SH3PXD2A: variants seen among roughly 807,000 people sequenced by gnomAD.
SH3PXD2A encodes the protein SH3 and PX domains 2A.
In SH3PXD2A, 32 loss-of-function variants were observed where a neutral mutation model predicts 115.2. The ratio of observed to expected loss-of-function variants is 0.28; its 90% confidence interval spans 0.21 to 0.37. The LOEUF (loss-of-function observed/expected upper bound fraction) is 0.37, where lower values mean the gene tolerates loss of function less well. Ranked by LOEUF, SH3PXD2A falls within the 10% of genes least tolerant of loss-of-function variation. The pLI is 1.00. For missense variants in SH3PXD2A, 1,328 were observed against 1,498.7 expected (o/e 0.89, Z 1.88); for synonymous variants, 610 against 629.1 (o/e 0.97, Z 0.45).
intron 1 of SH3PXD2A, among the ~76,000 whole-genome samples, chr10:103,802,550 C>T (rs1564892828): frequency 6.6e-6 from 1 of 152,194 alleles, no homozygotes; most frequent in African/African-American, 2.4e-5. Context: ...ATCTGGCCTG[C>T]TCTTCCCACT....
chr10:103,662,448 G>C (rs1259600356), intron 7 of SH3PXD2A, among the ~76,000 whole-genome samples: 1 of 134,848 alleles, frequency 7.4e-6, no homozygotes, highest in East Asian at 2.2e-4. Flanking sequence ...GCCGGACTGC[G>C]GACTGCAGTG....
At position 103,613,114 on chromosome 10, in the gene SH3PXD2A, T is replaced by G. The variant is rs2036453678; in HGVS notation, c.997A>C (p.Asn333His). Residue 333 changes from asparagine (N) to histidine (H), a missense_variant, in exon 12 of 15, where the codon AAC (asparagine) becomes CAC (histidine). Physicochemically the swap from Asn to His is moderately conservative, Grantham distance 68. Coordinates refer to ENST00000369774, the MANE Select transcript of SH3PXD2A (RefSeq NM_001394015.1). ...ATGATCTCCACTGGGCCGGCCAGGT[T>G]CTTCTTCCGGGTTGGCAGGTCATCC... The part of the protein sequence containing the change: ...AKDDLPTRKK[N>H]LAGPVEIIGN... 2 of 1,613,928 alleles carry G rather than the reference T, an allele frequency of 1.2e-6. No homozygotes were observed.
Position 103,841,637 on chromosome 10 carries a change from C to G in SH3PXD2A, c.72+13558G>C, listed in dbSNP as rs553029931. ...CAACGTGACCCTTTTCCCTATCTGA[C>G]CCCATGACCTGCTGCTCTCCCCTCT... is the stretch of plus-strand genomic sequence containing the variant. On this transcript the variant is annotated intron_variant, in intron 1 of 14. Transcript: ENST00000369774. Among the ~76,000 whole-genome samples the G allele has an allele frequency of 3.3e-5, 5 of 152,242 alleles. No homozygotes were observed. In the East Asian group the frequency reaches 7.7e-4, roughly 24 times the overall value.
intron 7 of SH3PXD2A, chr10:103,661,749 C>T (rs1242121625): frequency 1.0e-6 from 1 of 985,206 alleles, no homozygotes; most frequent in Non-Finnish European, 1.2e-6. Context: ...TTGAGGCCGC[C>T]AATCACTGGG....
chr10:103,786,253 G>A (rs778801558), intron 2 of SH3PXD2A, among the ~76,000 whole-genome samples: 3 of 152,166 alleles, frequency 2.0e-5, no homozygotes, highest in South Asian at 2.1e-4. Flanking sequence ...AGAGAGGAAC[G>A]GCTTAGCGCA....
chr10:103,669,306 C>G (rs1564859217), intron 6 of SH3PXD2A, among the ~76,000 whole-genome samples: 1 of 152,202 alleles, frequency 6.6e-6, no homozygotes, highest in African/African-American at 2.4e-5. Context: ...GATGAGGGCT[C>G]TACTCCAGGC....
chr10:103,724,920 C>T (rs2038222571), intron 4 of SH3PXD2A, among the ~76,000 whole-genome samples: 1 of 152,222 alleles, frequency 6.6e-6, no homozygotes, highest in Non-Finnish European at 1.5e-5. Context: ...ACCTAACAGT[C>T]CAAGGTCACG....
At chr10:103,741,203 C>T (rs1176996817) in intron 3 of SH3PXD2A, among the ~76,000 whole-genome samples, 2 of 152,178 alleles carry the variant, frequency 1.3e-5, no homozygotes, top group Admixed American at 1.3e-4. Flanking sequence ...GAGGAAACTA[C>T]AACAGCCAAG....
At chr10:103,735,891 C>T in intron 3 of SH3PXD2A, 83 bp from the exon 4 acceptor site, 1 of 1,086,758 alleles carries the variant, frequency 9.2e-7, no homozygotes, top group South Asian at 1.2e-5. Flanking sequence ...CTTGGCTTCT[C>T]AGCATCTTAG....
At chr10:103,768,566 T>C (rs2038783410) in intron 2 of SH3PXD2A, among the ~76,000 whole-genome samples, 1 of 152,224 alleles carries the variant, frequency 6.6e-6, no homozygotes, top group African/African-American at 2.4e-5. Context: ...CTTGTCGTGA[T>C]GGAAGGGGAA....
In SH3PXD2A at chr10:103,695,160, C is replaced by T. The variant is rs921627078; in HGVS notation, c.399-2104G>A. 7.2e-5 allele frequency among the ~76,000 whole-genome samples: 11 copies of T among 152,182 alleles called. No homozygotes were observed. The East Asian group carries it at 2.1e-3, about 29-fold the overall frequency. Reference sequence around the variant, plus strand: ...CCCACAATTTTCCTGCTGGTCCTGGCAGGAGAAGCCCAGGACTGATGGCCC... The same window carrying T: ...CCCACAATTTTCCTGCTGGTCCTGGTAGGAGAAGCCCAGGACTGATGGCCC... On this transcript the variant is annotated intron_variant, in intron 5 of 14. Transcript: ENST00000369774.
intron 4 of SH3PXD2A, among the ~76,000 whole-genome samples, chr10:103,727,989 G>A (rs757769276): frequency 2.6e-5 from 4 of 152,246 alleles, no homozygotes; most frequent in Admixed American, 1.3e-4. Flanking sequence ...AAGCCCAGCC[G>A]TTGTGAGAAG....
At chr10:103,641,138 A>G (rs925231419) in intron 8 of SH3PXD2A, among the ~76,000 whole-genome samples, 9 of 152,262 alleles carry the variant, frequency 5.9e-5, no homozygotes, top group Non-Finnish European at 1.2e-4. Context: ...AAATCTGACA[A>G]GATGCAAAGT....
intron 1 of SH3PXD2A, among the ~76,000 whole-genome samples, chr10:103,822,301 A>G (rs1342380675): frequency 3.3e-5 from 5 of 152,304 alleles, no homozygotes; most frequent in Non-Finnish European, 7.3e-5. Flanking sequence ...ACTTTATTAA[A>G]CTTGCTATTT....
At chr10:103,669,541 G>C (rs2037430172) in intron 6 of SH3PXD2A, among the ~76,000 whole-genome samples, 1 of 152,232 alleles carries the variant, frequency 6.6e-6, no homozygotes, top group Admixed American at 6.5e-5. Context: ...CAAAAGCATT[G>C]ATGCAGTCGA....
intron 1 of SH3PXD2A, among the ~76,000 whole-genome samples, chr10:103,807,582 ATGTAGG>A (rs1296115878): frequency 4.6e-5 from 7 of 152,224 alleles, no homozygotes; most frequent in Non-Finnish European, 1.0e-4. Context: ...TCAAGTGGAC[ATGTAGG>A]TGTGAAATCT....
At chr10:103,709,085 C>A (rs897958809) in intron 5 of SH3PXD2A, among the ~76,000 whole-genome samples, 1 of 152,076 alleles carries the variant, frequency 6.6e-6, no homozygotes, top group South Asian at 2.1e-4. Context: ...CACAGCCAAG[C>A]TCCTGCCTCT....
chr10:103,699,087 G>T (rs970952928), intron 5 of SH3PXD2A, among the ~76,000 whole-genome samples: 21 of 152,218 alleles, frequency 1.4e-4, no homozygotes, highest in African/African-American at 5.1e-4. Context: ...GGAAAATTTT[G>T]TTAAGAGGAG....
At chr10:103,717,525 A>G (rs2038119584) in intron 5 of SH3PXD2A, among the ~76,000 whole-genome samples, 1 of 152,216 alleles carries the variant, frequency 6.6e-6, no homozygotes, top group Non-Finnish European at 1.5e-5. Flanking sequence ...AGCTAAGAAA[A>G]GAATGAGGGC....
Sources: gnomAD v4.1 joint callset for allele counts (sites outside exome capture counted in the v4.1 genomes callset) on GRCh38, gnomAD v4.1.1 for gene constraint, MANE v1.5 for transcripts, NCBI Gene and HGNC (gene_info 2026-07-23, HGNC 2026-07-21) for gene names.